Variants in TENM3 observed in about 807,000 individuals in gnomAD.
The protein encoded by TENM3 is teneurin transmembrane protein 3, also known as teneurin-3.
In TENM3, 63 loss-of-function variants were observed where a neutral mutation model predicts 255.1. The observed-to-expected ratio is 0.25, with a 90% CI of 0.20 to 0.30. The LOEUF (loss-of-function observed/expected upper bound fraction) is 0.30, where lower values mean the gene tolerates loss of function less well. Ranked by LOEUF, TENM3 falls within the 10% of genes least tolerant of loss-of-function variation. The probability of loss-of-function intolerance (pLI) is 1.00; values close to 1 mark genes in which losing one functional copy is unlikely to be tolerated. For synonymous variants in TENM3, 1,306 were observed against 1,322.3 expected (o/e 0.99, Z 0.27); for missense variants, 2,929 against 3,461.1 (o/e 0.85, Z 3.86).
At chr4:182,484,321 C>A (rs1337702427) in intron 3 of TENM3, among the ~76,000 whole-genome samples, 1 of 152,132 alleles carries the variant, frequency 6.6e-6, no homozygotes, top group East Asian at 1.9e-4. Context: ...AGGATTTGAA[C>A]CCAGGCAGTG....
At chr4:181,480,669 T>G in the TENM3 span, among the ~76,000 whole-genome samples, 2 of 151,264 alleles carry the variant, frequency 1.3e-5, no homozygotes, top group African/African-American at 2.4e-5. Context: ...TATGGAGATA[T>G]GTAGTTTTAT....
chr4:182,168,950 G>T (rs1399853926), intron 1 of TENM3, among the ~76,000 whole-genome samples: 1 of 151,908 alleles, frequency 6.6e-6, no homozygotes, highest in Non-Finnish European at 1.5e-5. Context: ...TAGAATATTT[G>T]TTTATATGTA....
chr4:181,956,306 G>A, the TENM3 span, among the ~76,000 whole-genome samples: 5 of 152,126 alleles, frequency 3.3e-5, no homozygotes, highest in Admixed American at 6.5e-5. Context: ...ATAGACCATA[G>A]CACTTAGTAA....
the TENM3 span, among the ~76,000 whole-genome samples, chr4:181,998,778 T>C: frequency 6.6e-6 from 1 of 152,166 alleles, no homozygotes; most frequent in African/African-American, 2.4e-5. Context: ...TTCCTTATTA[T>C]GACAAAGCCT....
At chr4:182,632,572 C>A (rs1020428741) in intron 5 of TENM3, among the ~76,000 whole-genome samples, 11 of 152,094 alleles carry the variant, frequency 7.2e-5, no homozygotes, top group African/African-American at 2.7e-4. Context: ...TGTGAATAGC[C>A]TCCACTTTTC....
chr4:182,517,017 T>A (rs1468055285), intron 3 of TENM3, among the ~76,000 whole-genome samples: 1 of 151,794 alleles, frequency 6.6e-6, no homozygotes, highest in Non-Finnish European at 1.5e-5. Flanking sequence ...AGAAAAAAAA[T>A]AAGGAATTTC....
the TENM3 span, among the ~76,000 whole-genome samples, chr4:181,456,111 GTGTA>G: frequency 9.6e-5 from 10 of 104,242 alleles, no homozygotes; most frequent in African/African-American, 4.4e-4. Context: ...GTGTGTGTGT[GTGTA>G]TATATATATA....
chr4:181,688,312 T>A, the TENM3 span, among the ~76,000 whole-genome samples: 1 of 152,150 alleles, frequency 6.6e-6, no homozygotes, highest in South Asian at 2.1e-4. Context: ...TAAGCCCTTT[T>A]TTTGAAAGTT....
At chr4:182,726,926 G>A (rs1303960272) in intron 13 of TENM3, among the ~76,000 whole-genome samples, 2 of 152,004 alleles carry the variant, frequency 1.3e-5, no homozygotes, top group Non-Finnish European at 2.9e-5. Context: ...TTAAATCAAT[G>A]GCTAGTATAG....
chr4:182,500,548 T>C (rs546862895), intron 3 of TENM3, among the ~76,000 whole-genome samples: 1 of 152,290 alleles, frequency 6.6e-6, no homozygotes, highest in South Asian at 2.1e-4. Flanking sequence ...AAGCACAATT[T>C]AGCAGTATAT....
intron 19 of TENM3, among the ~76,000 whole-genome samples, chr4:182,743,710 C>T (rs1004253834): frequency 6.6e-6 from 1 of 152,134 alleles, no homozygotes; most frequent in Non-Finnish European, 1.5e-5. Context: ...AAATCTCTTT[C>T]GCTTTCTTTA....
intron 22 of TENM3, among the ~76,000 whole-genome samples, chr4:182,763,174 C>T (rs941648591): frequency 6.6e-6 from 1 of 152,094 alleles, no homozygotes. Flanking sequence ...GGCTGAAAAA[C>T]TTATAGTGTA....
At chr4:181,741,886 A>G in the TENM3 span, among the ~76,000 whole-genome samples, 1 of 152,236 alleles carries the variant, frequency 6.6e-6, no homozygotes, top group Non-Finnish European at 1.5e-5. Context: ...TGATACGTGA[A>G]TGAACATAGC....
At chr4:182,216,454 C>T (rs947504711) in intron 1 of TENM3, among the ~76,000 whole-genome samples, 2 of 152,164 alleles carry the variant, frequency 1.3e-5, no homozygotes, top group Non-Finnish European at 2.9e-5. Context: ...CCTTTGGTAC[C>T]TGTGGCCACT....
chr4:182,732,813 G>C (rs1449400322), intron 16 of TENM3, among the ~76,000 whole-genome samples: 1 of 152,128 alleles, frequency 6.6e-6, no homozygotes, highest in African/African-American at 2.4e-5. Flanking sequence ...TGCTGGGAGT[G>C]AGACCCTGTC....
At chr4:181,464,215 G>GA in the TENM3 span, among the ~76,000 whole-genome samples, 2 of 152,238 alleles carry the variant, frequency 1.3e-5, no homozygotes, top group Admixed American at 1.3e-4. Context: ...TTACCATTTT[G>GA]AAAATACGCC....
chr4:181,597,504 C>A, the TENM3 span, among the ~76,000 whole-genome samples: 1 of 151,986 alleles, frequency 6.6e-6, no homozygotes, highest in East Asian at 1.9e-4. Flanking sequence ...GGAAACATTT[C>A]TTTTCCTTTT....
chr4:181,605,726 A>T, the TENM3 span, among the ~76,000 whole-genome samples: 1 of 152,208 alleles, frequency 6.6e-6, no homozygotes, highest in Non-Finnish European at 1.5e-5. Flanking sequence ...AAGTACTAGA[A>T]TAGAATCAAA....
intron 1 of TENM3, among the ~76,000 whole-genome samples, chr4:182,275,817 GTGCTAGC>G (rs567967373): frequency 1.4e-3 from 206 of 152,188 alleles, no homozygotes; most frequent in African/African-American, 4.8e-3. Flanking sequence ...CATGCTTGAA[GTGCTAGC>G]TACTCAGGAG....
Sources: gnomAD v4.1 joint callset for allele counts (sites outside exome capture counted in the v4.1 genomes callset) on GRCh38, gnomAD v4.1.1 for gene constraint, MANE v1.5 for transcripts, NCBI Gene and HGNC (gene_info 2026-07-23, HGNC 2026-07-21) for gene names.